The following WLS variants were observed in gnomAD, a reference collection of about 807,000 sequenced individuals.
WLS encodes Wnt ligand secretion mediator.
In WLS, 23 loss-of-function variants were observed where a neutral mutation model predicts 62.8. The observed-to-expected ratio is 0.37, with a 90% CI of 0.26 to 0.52. The LOEUF is 0.52. Ranked by LOEUF, WLS falls within the 20% of genes least tolerant of loss-of-function variation. The pLI is 0.92. For missense variants in WLS, 615 were observed against 697.3 expected (o/e 0.88, Z 1.33); for synonymous variants, 246 against 244.1 (o/e 1.01, Z -0.07).
At chr1:68,115,757 TTAAAA>T (rs1278793213) in intron 11 of WLS, among the ~76,000 whole-genome samples, 2 of 133,010 alleles carry the variant, frequency 1.5e-5, no homozygotes, top group African/African-American at 4.9e-5. Flanking sequence ...AAATGAGACT[TTAAAA>T]TATGTTTTTC....
intron 2 of WLS, among the ~76,000 whole-genome samples, chr1:68,190,962 GCA>G (rs1441140303): frequency 6.6e-6 from 1 of 151,826 alleles, no homozygotes; most frequent in South Asian, 2.1e-4. Context: ...GGAGGCTGAG[GCA>G]GGAGAATCTC....
chr1:68,155,242 G>A lies in WLS; in HGVS notation c.523C>T (p.Arg175Cys), dbSNP rs373040642. ...GGAAGGACATCACATTCATAGTAAC[G>A]GCCCTCATGCTCTGGAGTCTGGAAA... is the stretch of plus-strand genomic sequence containing the variant. ...TSPKTPEHEG[R>C]YYECDVLPFM... The change falls in exon 4 of 12, where the codon CGT becomes TGT. Residue 175 changes from arginine (R) to cysteine (C), a missense_variant. Coordinates refer to ENST00000262348, the MANE Select transcript of WLS (RefSeq NM_024911.7). The A allele has an allele frequency of 1.4e-5, 23 of 1,613,196 alleles. No homozygotes were observed. Among genetic ancestry groups the A allele is most frequent in the South Asian group, 4.4e-5 (4 of 90,916 alleles).
chr1:68,203,956 T>TA (rs1253202581), intron 1 of WLS, among the ~76,000 whole-genome samples: 1 of 152,196 alleles, frequency 6.6e-6, no homozygotes, highest in Non-Finnish European at 1.5e-5. Context: ...TATCCATGCA[T>TA]ATGGTATGTC....
chr1:68,114,272 C>T (rs1224339603), intron 11 of WLS, among the ~76,000 whole-genome samples: 31 of 152,172 alleles, frequency 2.0e-4, no homozygotes, highest in Admixed American at 2.0e-3. Flanking sequence ...CTGCCAGCTA[C>T]TGGTTAACTT....
chr1:68,127,184 A>C (rs1263156635), intron 11 of WLS: 3 of 270,828 alleles, frequency 1.1e-5, no homozygotes, highest in African/African-American at 7.0e-5. Context: ...ACAGAGTAAG[A>C]CTTTGACTCT....
At chr1:68,200,692 G>A (rs1648964135) in intron 1 of WLS, among the ~76,000 whole-genome samples, 1 of 151,806 alleles carries the variant, frequency 6.6e-6, no homozygotes, top group Non-Finnish European at 1.5e-5. Flanking sequence ...GATCTATGAA[G>A]TTGAATGGCT....
At chr1:68,150,114 G>C in intron 6 of WLS, 74 bp downstream of exon 6, 1 of 1,504,938 alleles carries the variant, frequency 6.6e-7, no homozygotes. Flanking sequence ...TAGAGGCAAA[G>C]GGGGGCAGGT....
intron 2 of WLS, among the ~76,000 whole-genome samples, chr1:68,187,754 A>G (rs973908670): frequency 6.6e-6 from 1 of 152,228 alleles, no homozygotes; most frequent in Non-Finnish European, 1.5e-5. Context: ...TCCATTTATA[A>G]TGAATACAAA....
intron 1 of WLS, among the ~76,000 whole-genome samples, chr1:68,208,064 C>G (rs976332090): frequency 6.6e-6 from 1 of 152,180 alleles, no homozygotes; most frequent in Non-Finnish European, 1.5e-5. Flanking sequence ...GCCCCAATAC[C>G]AGAGATGATT....
At chr1:68,229,042 CA>C (rs147075953) in intron 1 of WLS, among the ~76,000 whole-genome samples, 16,013 of 151,638 alleles carry the variant, frequency 0.11, 1,091 homozygotes, top group East Asian at 0.37. Context: ...AACGAAACAA[CA>C]GCCTAAATGT....
intron 5 of WLS, among the ~76,000 whole-genome samples, chr1:68,151,502 T>C (rs1192811487): frequency 6.6e-6 from 1 of 152,080 alleles, no homozygotes; most frequent in East Asian, 1.9e-4. Context: ...GGAATATAAC[T>C]GTGAACAAGA....
In WLS at chr1:68,127,543, A is replaced by G. The variant is rs1447593611; in HGVS notation, c.1517-1208T>C. On this transcript the variant is annotated intron_variant, in intron 11 of 11. Transcript: ENST00000262348. ...GTGAATGTATAAACAACAAAGGGAA[A>G]ATGGAAAACGCAACCACGCTCAGTC... Among the ~76,000 whole-genome samples, 4 of 149,390 alleles carry G rather than the reference A, an allele frequency of 2.7e-5. No homozygotes were observed. The South Asian group carries it at 8.6e-4, about 32-fold the overall frequency.
At chr1:68,177,164 A>G (rs1647293881) in intron 2 of WLS, among the ~76,000 whole-genome samples, 1 of 152,192 alleles carries the variant, frequency 6.6e-6, no homozygotes, top group African/African-American at 2.4e-5. Context: ...CACATCTTCT[A>G]TTTTAGGACT....
chr1:68,108,877 A>G (rs561401744), intron 11 of WLS, among the ~76,000 whole-genome samples: 16 of 152,298 alleles, frequency 1.1e-4, no homozygotes, highest in African/African-American at 3.4e-4. Context: ...AAATATATAT[A>G]TGAGGGAAAG....
At chr1:68,196,558 T>A (rs1488520561) in intron 1 of WLS, among the ~76,000 whole-genome samples, 2 of 152,146 alleles carry the variant, frequency 1.3e-5, no homozygotes, top group Admixed American at 1.3e-4. Flanking sequence ...TCTGCCCTAC[T>A]TCTAATGTTC....
intron 2 of WLS, among the ~76,000 whole-genome samples, chr1:68,184,396 T>A (rs929822331): frequency 1.3e-5 from 2 of 152,190 alleles, no homozygotes; most frequent in African/African-American, 4.8e-5. Flanking sequence ...AGTGACTTTT[T>A]AAAAAATGGT....
intron 2 of WLS, among the ~76,000 whole-genome samples, chr1:68,187,152 G>T (rs1034369601): frequency 2.3e-5 from 3 of 129,046 alleles, no homozygotes; most frequent in Non-Finnish European, 4.6e-5. Flanking sequence ...TCGTGCCACT[G>T]CACTCCAGCC....
intron 11 of WLS, among the ~76,000 whole-genome samples, chr1:68,110,006 GT>G (rs1646201905): frequency 2.9e-4 from 1 of 3,406 alleles, no homozygotes; most frequent in African/African-American, 1.4e-3. Flanking sequence ...AACACAAAAA[GT>G]AAAAAAAAAA....
intron 2 of WLS, among the ~76,000 whole-genome samples, chr1:68,184,523 C>A (rs1372473267): frequency 6.6e-6 from 1 of 152,176 alleles, no homozygotes; most frequent in Non-Finnish European, 1.5e-5. Flanking sequence ...GGTAAATAAT[C>A]ATTTTTATCA....
Sources: gnomAD v4.1 joint callset for allele counts (sites outside exome capture counted in the v4.1 genomes callset) on GRCh38, gnomAD v4.1.1 for gene constraint, MANE v1.5 for transcripts, NCBI Gene and HGNC (gene_info 2026-07-23, HGNC 2026-07-21) for gene names.